The following ARID5B variants were observed in gnomAD, a reference collection of about 807,000 sequenced individuals.
ARID5B encodes AT-rich interaction domain 5B, also known as AT-rich interactive domain-containing protein 5B.
ARID5B carries 13 observed loss-of-function variants against 97.2 expected under a neutral mutation model. The ratio of observed to expected loss-of-function variants is 0.13; its 90% CI spans 0.09 to 0.21. ARID5B has a LOEUF of 0.21. Ranked by LOEUF, ARID5B falls within the 10% of genes least tolerant of loss-of-function variation. The pLI is 1.00. For synonymous variants in ARID5B, 556 were observed against 570.3 expected, an observed-to-expected ratio of 0.97 and a Z score of 0.36; for missense variants, 1,210 against 1,465.3, an observed-to-expected ratio of 0.83 and a Z score of 2.84.
chr10:62,035,889 A>G lies in ARID5B; in HGVS notation c.734-14999A>G, dbSNP rs941691990. ...ACCCAGGCTGGAGTGCAGTGGCACG[A>G]TCTCGGCTCACTTCATGTTCTGCCT... On this transcript the variant is annotated intron_variant, in intron 4 of 9. Coordinates refer to ENST00000279873, the MANE Select transcript of ARID5B (RefSeq NM_032199.3). Among the ~76,000 whole-genome samples the G allele has an allele frequency of 7.9e-5, 12 of 151,474 alleles. No individual in the cohort carries two copies. In the East Asian group the frequency reaches 2.3e-3, roughly 29 times the overall value.
rs916199875 is a variant in ARID5B, at chr10:62,053,493, T to A, written c.846+2493T>A. ...CTCCCCAAAGACAGCAAGTGTCACG[T>A]GGGGAGGAAACTACCAGTTCTTTGA... On this transcript the variant is annotated intron_variant, in intron 5 of 9. Coordinates refer to ENST00000279873, the MANE Select transcript of ARID5B (RefSeq NM_032199.3). Among the ~76,000 whole-genome samples, 8 of 152,176 alleles carry A rather than the reference T, an allele frequency of 5.3e-5. 1 individual carries two copies. The highest frequency in any genetic ancestry group is 3.9e-4 in the Admixed American group (6 of 15,280).
intron 9 of ARID5B, among the ~76,000 whole-genome samples, chr10:62,086,451 C>T (rs921372000): frequency 6.6e-6 from 1 of 152,046 alleles, no homozygotes; most frequent in African/African-American, 2.4e-5. Flanking sequence ...CCTGTAATCC[C>T]AGCACTTTGG....
At chr10:61,972,156 A>G (rs1838636635) in intron 3 of ARID5B, among the ~76,000 whole-genome samples, 1 of 148,244 alleles carries the variant, frequency 6.7e-6, no homozygotes, top group African/African-American at 2.5e-5. Context: ...GTTATTCTAT[A>G]TTTTTTATCT....
intron 3 of ARID5B, among the ~76,000 whole-genome samples, chr10:61,971,799 T>A (rs1233700157): frequency 6.6e-6 from 1 of 152,242 alleles, no homozygotes; most frequent in Non-Finnish European, 1.5e-5. Flanking sequence ...AATTTTTTCC[T>A]AACTTGGTGC....
At chr10:61,986,300 G>C (rs1589246961) in intron 3 of ARID5B, among the ~76,000 whole-genome samples, 3 of 152,306 alleles carry the variant, frequency 2.0e-5, no homozygotes, top group Admixed American at 2.0e-4. Flanking sequence ...GATTCTAGGA[G>C]GATTGAATGA....
intron 5 of ARID5B, among the ~76,000 whole-genome samples, chr10:62,055,356 C>T (rs4948497): frequency 0.97 from 148,278 of 152,266 alleles, 72,312 homozygotes; most frequent in East Asian, 1. Flanking sequence ...CCTCCGTTTC[C>T]TCATTTCTAA....
intron 2 of ARID5B, among the ~76,000 whole-genome samples, chr10:61,938,927 G>T (rs1280787034): frequency 1.4e-5 from 2 of 146,664 alleles, no homozygotes; most frequent in Admixed American, 1.4e-4. Context: ...ATTATGTGAA[G>T]CTTACCCTAA....
intron 4 of ARID5B, among the ~76,000 whole-genome samples, chr10:62,045,447 ATTT>A (rs5785508): frequency 5.4e-4 from 75 of 139,566 alleles, no homozygotes; most frequent in Non-Finnish European, 5.1e-4. Context: ...TTGCCAGGGT[ATTT>A]TTTTTTTTTT....
Position 62,092,127 on chromosome 10 carries a change from C to T in ARID5B, c.2664C>T (p.His888=). The T allele has an allele frequency of 6.2e-7, 1 of 1,609,150 alleles. No homozygotes were observed. ...ATGTAAATTATCTCACGTCCCTGCA[C>T]CTGCAAGACAAAAAGTCGGCGGCAG... ...KLHVNYLTSL[H]LQDKKSAAAE... Residue 888 remains histidine, a synonymous_variant, in exon 10 of 10, where the codon CAC becomes CAT. Transcript: ENST00000279873.
intron 8 of ARID5B, among the ~76,000 whole-genome samples, chr10:62,078,025 T>G (rs1223401863): frequency 1.3e-5 from 2 of 152,266 alleles, no homozygotes; most frequent in Non-Finnish European, 2.9e-5. Context: ...TGTAAGTTAC[T>G]ACAAAGTTTG....
Position 62,000,093 on chromosome 10 carries a change from G to A in ARID5B, c.505G>A (p.Glu169Lys). 1 of 1,613,862 alleles carries A rather than the reference G, an allele frequency of 6.2e-7. No individual in the cohort carries two copies. Among genetic ancestry groups the A allele is most frequent in the South Asian group, 1.1e-5 (1 of 91,076 alleles). The change falls in exon 4 of 10, where the codon GAG becomes AAG. Residue 169 changes from glutamate to lysine, a missense_variant and splice_region_variant. Glu to Lys is a moderately conservative substitution (Grantham distance 56). This residue lies in a region of ARID5B where 82 missense variants were observed against 79.3 expected (regional missense o/e 1.03). Coordinates refer to ENST00000279873, the MANE Select transcript of ARID5B (RefSeq NM_032199.3). This position sits in a 1 kb window ranked among gnomAD's most constrained non-coding sequence, Gnocchi z 4.4. ...GAAGTGTTTTCTCGTTTGTCTAGGG[G>A]AGGACGAGGAAGAAACGAACGTGAT... The part of the protein sequence containing the change: ...DVLKEKADLG[E>K]DEEETNVIVL...
chr10:61,997,297 TA>T (rs1350945733), intron 3 of ARID5B, among the ~76,000 whole-genome samples: 1 of 151,832 alleles, frequency 6.6e-6, no homozygotes, highest in African/African-American at 2.4e-5. Context: ...AGGTCATTTC[TA>T]GGCACAGAAG....
chr10:61,911,290 C>G (rs1843799298), intron 2 of ARID5B, among the ~76,000 whole-genome samples: 1 of 152,142 alleles, frequency 6.6e-6, no homozygotes, highest in Non-Finnish European at 1.5e-5. Flanking sequence ...CAATAGTATT[C>G]CTGAGCACGA....
intron 4 of ARID5B, among the ~76,000 whole-genome samples, chr10:62,015,102 G>A (rs1839266211): frequency 6.6e-6 from 1 of 152,154 alleles, no homozygotes; most frequent in Non-Finnish European, 1.5e-5. Context: ...CTTTTATTGA[G>A]AGCATACCAT....
At chr10:62,070,576 A>G (rs1840050669) in intron 8 of ARID5B, among the ~76,000 whole-genome samples, 1 of 152,192 alleles carries the variant, frequency 6.6e-6, no homozygotes, top group South Asian at 2.1e-4. Flanking sequence ...CATTTAACTC[A>G]TCAATTCTTA....
At chr10:62,089,927 T>C (rs1030555932) in intron 9 of ARID5B, among the ~76,000 whole-genome samples, 9 of 152,232 alleles carry the variant, frequency 5.9e-5, no homozygotes, top group African/African-American at 2.2e-4. Context: ...CAGGGCAGAA[T>C]GACAGCAGTT....
chr10:61,939,042 G>A (rs545635712), intron 2 of ARID5B, among the ~76,000 whole-genome samples: 6 of 150,284 alleles, frequency 4.0e-5, no homozygotes, highest in African/African-American at 1.5e-4. Flanking sequence ...TCATGTTTGG[G>A]GAGGAGGAAA....
chr10:61,953,262 T>C lies in ARID5B; in HGVS notation c.502+12854T>C, dbSNP rs147764345. On this transcript the variant is annotated intron_variant, in intron 3 of 9. Coordinates refer to ENST00000279873, the MANE Select transcript of ARID5B (RefSeq NM_032199.3). ...AATGCTTCATGCCTGGCCTATTCTC[T>C]CAATAGGAAATAAAACATTGTTTTC... 1.4e-4 allele frequency among the ~76,000 whole-genome samples: 22 copies of C among 152,314 alleles called. No individual in the cohort carries two copies. The East Asian group carries it at 4.2e-3, about 29-fold the overall frequency.
chr10:62,053,681 T>C (rs1839820494), intron 5 of ARID5B, among the ~76,000 whole-genome samples: 1 of 152,180 alleles, frequency 6.6e-6, no homozygotes, highest in Admixed American at 6.5e-5. Flanking sequence ...GCAAATTATT[T>C]TTAATATCCC....
Sources: gnomAD v4.1 joint callset for allele counts (sites outside exome capture counted in the v4.1 genomes callset) on GRCh38, gnomAD v4.1.1 for gene constraint, gnomAD v4.1.1 regional missense constraint, Gnocchi (gnomAD v3.1) non-coding constraint, MANE v1.5 for transcripts, NCBI Gene and HGNC (gene_info 2026-07-23, HGNC 2026-07-21) for gene names.